CCDC88A: variants seen among roughly 807,000 people sequenced by gnomAD.
CCDC88A encodes coiled-coil and HOOK domain protein 88A.
A neutral mutation model predicts 234.3 loss-of-function variants in CCDC88A; 54 were observed. The ratio of observed to expected loss-of-function variants is 0.23; its 90% CI spans 0.19 to 0.29. CCDC88A has a LOEUF of 0.29. Ranked by LOEUF, CCDC88A falls within the 10% of genes least tolerant of loss-of-function variation. The pLI is 1.00. For missense variants in CCDC88A, 1,832 were observed against 2,123.4 expected (o/e 0.86, Z 2.70); for synonymous variants, 753 against 737.8 (o/e 1.02, Z -0.33).
chr2:55,370,641 CAAAAAAA>C (rs567431857), intron 5 of CCDC88A, among the ~76,000 whole-genome samples: 249 of 47,530 alleles, frequency 5.2e-3, no homozygotes, highest in Non-Finnish European at 9.6e-3. Flanking sequence ...AACTCTGTCT[CAAAAAAA>C]AAAAAAAAAA....
chr2:55,403,527 T>C (rs564346313), intron 2 of CCDC88A: 10 of 152,374 alleles, frequency 6.6e-5, no homozygotes, highest in African/African-American at 1.9e-4. Context: ...CCTTGATTCA[T>C]ACTAAAATGT....
chr2:55,369,027 C>T (rs888205256), intron 5 of CCDC88A, among the ~76,000 whole-genome samples: 5 of 152,088 alleles, frequency 3.3e-5, no homozygotes, highest in Admixed American at 1.3e-4. Flanking sequence ...CCAAAACACC[C>T]ACAGAATAAT....
At chr2:55,343,624 T>G (rs1021238681) in intron 12 of CCDC88A, 24 bp downstream of exon 12, 1 of 1,567,198 alleles carries the variant, frequency 6.4e-7, no homozygotes, top group African/African-American at 1.4e-5. Context: ...GATTATCTAT[T>G]TAAATTAAAA....
chr2:55,416,771 G>A (rs963474686), intron 2 of CCDC88A, among the ~76,000 whole-genome samples: 11 of 151,682 alleles, frequency 7.3e-5, no homozygotes, highest in South Asian at 2.1e-4. Context: ...GTGCTTAACA[G>A]AAATCCTAAT....
chr2:55,367,078 A>T (rs1397900047), intron 5 of CCDC88A, among the ~76,000 whole-genome samples: 2 of 152,242 alleles, frequency 1.3e-5, no homozygotes, highest in African/African-American at 2.4e-5. Context: ...AGCCTTAATA[A>T]GGAAGGAAAC....
chr2:55,315,624 G>A (rs10199332), intron 22 of CCDC88A: 10,421 of 188,124 alleles, frequency 0.055, 1,036 homozygotes, highest in African/African-American at 0.21. Flanking sequence ...GTTGTTTCCA[G>A]CTAATTTTTC....
intron 12 of CCDC88A, among the ~76,000 whole-genome samples, chr2:55,341,401 G>A (rs529162154): frequency 2.9e-4 from 43 of 150,564 alleles, no homozygotes; most frequent in East Asian, 5.9e-4. Flanking sequence ...GCCTCCCAGA[G>A]TGCTGGGATT....
intron 3 of CCDC88A, among the ~76,000 whole-genome samples, chr2:55,377,579 A>T (rs1203125432): frequency 6.6e-6 from 1 of 151,872 alleles, no homozygotes; most frequent in African/African-American, 2.4e-5. Flanking sequence ...CACCTTCATA[A>T]AGAGAAGTTT....
chr2:55,295,313 G>A (rs111967579), intron 31 of CCDC88A: 3 of 1,461,204 alleles, frequency 2.1e-6, no homozygotes, highest in East Asian at 3.1e-5. Flanking sequence ...ACCCACTTAT[G>A]TTACTAACTA....
In CCDC88A at chr2:55,363,944, C is replaced by G; in HGVS notation, c.486+6G>C. On this transcript the variant is annotated splice_donor_region_variant and intron_variant, in intron 6 of 32. Coordinates refer to ENST00000436346, the MANE Select transcript of CCDC88A (RefSeq NM_001365480.1). ...ATAGCACGTAAAATTGTATATATGT[C>G]ATTACCTCTTGAATATGTGCGGCAA... 2.0e-6 allele frequency: 3 copies of G among 1,536,490 alleles called. No individual in the cohort carries two copies. In the East Asian group the frequency reaches 6.8e-5, roughly 35 times the overall value.
At chr2:55,361,315 A>AT (rs2104782371) in intron 7 of CCDC88A, among the ~76,000 whole-genome samples, 1 of 152,268 alleles carries the variant, frequency 6.6e-6, no homozygotes, top group African/African-American at 2.4e-5. Context: ...GTATCTCAGG[A>AT]TAAATTTGAT....
chr2:55,364,214 A>G (rs1312722429), intron 5 of CCDC88A, 181 bp from the exon 6 acceptor site: 1 of 440,876 alleles, frequency 2.3e-6, no homozygotes, highest in Non-Finnish European at 4.0e-6. Context: ...TAATTATTTT[A>G]AAAAGCAAGG....
chr2:55,343,599 A>T (rs1483149018), intron 12 of CCDC88A, 49 bp downstream of exon 12: 1 of 1,445,908 alleles, frequency 6.9e-7, no homozygotes, highest in Non-Finnish European at 9.5e-7. Flanking sequence ...AAACATAAAT[A>T]CAACTTCATG....
chr2:55,382,589 A>C (rs1353553143), intron 3 of CCDC88A, among the ~76,000 whole-genome samples: 3 of 152,190 alleles, frequency 2.0e-5, no homozygotes, highest in East Asian at 1.9e-4. Flanking sequence ...CAGGGCTAAA[A>C]ATAACTTTAA....
At chr2:55,375,279 T>C (rs1243374284) in intron 3 of CCDC88A, among the ~76,000 whole-genome samples, 1 of 151,876 alleles carries the variant, frequency 6.6e-6, no homozygotes, top group African/African-American at 2.4e-5. Context: ...CAAGTCAAAA[T>C]GGTCTAATTA....
At chr2:55,379,303 AC>A (rs756338014) in intron 3 of CCDC88A, among the ~76,000 whole-genome samples, 1 of 152,232 alleles carries the variant, frequency 6.6e-6, no homozygotes, top group Non-Finnish European at 1.5e-5. Flanking sequence ...GAACAAATTA[AC>A]AAACAGGTCA....
intron 2 of CCDC88A, among the ~76,000 whole-genome samples, chr2:55,409,396 A>C (rs1307216655): frequency 6.6e-6 from 1 of 152,158 alleles, no homozygotes; most frequent in Non-Finnish European, 1.5e-5. Flanking sequence ...TCCTCCATGT[A>C]AATCATCACT....
At chr2:55,370,911 C>A (rs968845913) in intron 5 of CCDC88A, among the ~76,000 whole-genome samples, 7 of 151,658 alleles carry the variant, frequency 4.6e-5, no homozygotes, top group African/African-American at 1.7e-4. Flanking sequence ...GCTCAGGAGC[C>A]TGAAATGGGA....
intron 2 of CCDC88A, among the ~76,000 whole-genome samples, chr2:55,399,175 A>T (rs1173225320): frequency 1.3e-5 from 2 of 152,088 alleles, no homozygotes; most frequent in Non-Finnish European, 2.9e-5. Context: ...AAATCAAGAA[A>T]TACCAGAATA....
Sources: allele counts gnomAD v4.1 joint callset (sites outside exome capture counted in the v4.1 genomes callset), GRCh38; gene constraint gnomAD v4.1.1; transcripts MANE v1.5; gene names NCBI Gene and HGNC (gene_info 2026-07-23, HGNC 2026-07-21).